BTBD9: variants seen among roughly 807,000 people sequenced by gnomAD.
BTBD9 encodes the protein BTB/POZ domain-containing protein 9.
A neutral mutation model predicts 64.3 loss-of-function variants in BTBD9; 49 were observed. That is an observed-to-expected ratio of 0.76 (90% CI 0.61 to 0.97). The LOEUF (loss-of-function observed/expected upper bound fraction) is 0.97, where lower values mean the gene tolerates loss of function less well. BTBD9 is among the 50% of genes least tolerant of loss of function. The pLI is 0.00. For synonymous variants in BTBD9, 260 were observed against 274.7 expected (o/e 0.95, Z 0.53); for missense variants, 598 against 762.1 (o/e 0.78, Z 2.53).
In BTBD9 at chr6:38,433,613, C is replaced by T. The variant is rs143168271; in HGVS notation, c.1155-88520G>A. Among the ~76,000 whole-genome samples the T allele has an allele frequency of 6.8e-4, 104 of 151,962 alleles. 2 individuals carry two copies. The South Asian group carries it at 0.011, about 16-fold the overall frequency. On this transcript the variant is annotated intron_variant, in intron 6 of 10. Coordinates refer to ENST00000481247, the MANE Select transcript of BTBD9 (RefSeq NM_001099272.2). ...ACCCAAATCCTATAAAACAGCCCCA[C>T]CCCTATCTCCCTTTGCTGACTCCTT...
At chr6:38,565,598 T>C (rs1421701778) in intron 6 of BTBD9, among the ~76,000 whole-genome samples, 1 of 152,174 alleles carries the variant, frequency 6.6e-6, no homozygotes, top group Non-Finnish European at 1.5e-5. Context: ...ATGAAAAATC[T>C]GCATAAAACA....
At chr6:38,573,771 C>T (rs1775894252) in intron 6 of BTBD9, among the ~76,000 whole-genome samples, 4 of 152,210 alleles carry the variant, frequency 2.6e-5, no homozygotes, top group South Asian at 2.1e-4. Flanking sequence ...ATTAACAGCA[C>T]CATGTTGAGG....
rs114243267 is a variant in BTBD9 at position 38,175,925 on chromosome 6, A to G, written c.1642-743T>C. Among the ~76,000 whole-genome samples, 1,262 of 152,364 alleles carry G rather than the reference A, an allele frequency of 8.3e-3. 8 individuals are homozygous for G. The highest frequency in any genetic ancestry group is 0.031 in the Middle Eastern group (9 of 294). On this transcript the variant is annotated intron_variant, in intron 10 of 10. Coordinates refer to ENST00000481247, the MANE Select transcript of BTBD9 (RefSeq NM_001099272.2). ...CAAACGCCCCCAATGTGTAGAAGCCAGCCACCTGGCCGACAGTCACCCTCT... is the reference window on the plus strand; with the variant it reads ...CAAACGCCCCCAATGTGTAGAAGCCGGCCACCTGGCCGACAGTCACCCTCT...
intron 7 of BTBD9, among the ~76,000 whole-genome samples, chr6:38,334,322 G>A (rs35471343): frequency 6.6e-6 from 1 of 152,206 alleles, no homozygotes; most frequent in Non-Finnish European, 1.5e-5. Flanking sequence ...GGCACTTTGG[G>A]AGGCCAAGGT....
Position 38,634,577 on chromosome 6 carries a change from A to T in BTBD9, c.-28+5223T>A, listed in dbSNP as rs565885614. Among the ~76,000 whole-genome samples, 872 of 142,310 alleles carry T rather than the reference A, an allele frequency of 6.1e-3. 3 individuals are homozygous for T. The highest frequency in any genetic ancestry group is 0.018 in the African/African-American group (684 of 38,382). 93.4% of individuals were successfully genotyped at this position (142,310 alleles called of 152,430 possible). A position where few individuals can be genotyped will look rare whatever the true frequency, so the allele number is the denominator to read the frequency against. On this transcript the variant is annotated intron_variant, in intron 1 of 10. Coordinates refer to ENST00000481247, the MANE Select transcript of BTBD9 (RefSeq NM_001099272.2). ...GCAAACTGGATTGTTCCTTTTTTTT[A>T]AAAAAAAAGGGGGGGGAGAGGGCAT...
At chr6:38,320,945 T>C (rs1427757383) in intron 7 of BTBD9, among the ~76,000 whole-genome samples, 3 of 152,248 alleles carry the variant, frequency 2.0e-5, no homozygotes, top group Admixed American at 6.5e-5. Flanking sequence ...TAGTGTAATA[T>C]GCAGCTGGCA....
At chr6:38,624,875 G>A (rs1778118548) in intron 1 of BTBD9, among the ~76,000 whole-genome samples, 1 of 152,084 alleles carries the variant, frequency 6.6e-6, no homozygotes, top group South Asian at 2.1e-4. Flanking sequence ...CTCCAATTTA[G>A]GAGAATAGTT....
At chr6:38,346,725 A>T (rs1247864842) in intron 6 of BTBD9, among the ~76,000 whole-genome samples, 1 of 152,126 alleles carries the variant, frequency 6.6e-6, no homozygotes, top group Non-Finnish European at 1.5e-5. Context: ...TGCTTTCTGG[A>T]AGGGAAGGGG....
intron 9 of BTBD9, among the ~76,000 whole-genome samples, chr6:38,242,225 C>T (rs1271067576): frequency 6.6e-6 from 1 of 152,170 alleles, no homozygotes; most frequent in Non-Finnish European, 1.5e-5. Context: ...TCGTCCCAGG[C>T]ACAACATGAG....
intron 10 of BTBD9, among the ~76,000 whole-genome samples, chr6:38,188,155 T>A (rs1761899218): frequency 6.6e-6 from 1 of 152,128 alleles, no homozygotes; most frequent in Non-Finnish European, 1.5e-5. Context: ...CTGTCCGCCT[T>A]CTCCTATTCC....
intron 6 of BTBD9, among the ~76,000 whole-genome samples, chr6:38,413,331 G>A (rs536982153): frequency 1.3e-5 from 2 of 152,318 alleles, no homozygotes; most frequent in South Asian, 4.1e-4. Context: ...GGCAGCGGGG[G>A]CTGTGGATCT....
At position 38,283,511 on chromosome 6, in the gene BTBD9, T is replaced by C. The variant is rs536837725; in HGVS notation, c.1454+4761A>G. On this transcript the variant is annotated intron_variant, in intron 8 of 10. Coordinates refer to ENST00000481247, the MANE Select transcript of BTBD9 (RefSeq NM_001099272.2). ...AAAAATTTTATAAACTAGTCAGGTG[T>C]GGTGGTGCATGCCTGTGGTCCCAGC... Among the ~76,000 whole-genome samples the C allele has an allele frequency of 3.9e-4, 59 of 152,172 alleles. 1 individual carries two copies. The highest frequency in any genetic ancestry group is 1.4e-3 in the African/African-American group (57 of 41,534).
chr6:38,405,720 T>C (rs1767132696), intron 6 of BTBD9, among the ~76,000 whole-genome samples: 1 of 152,194 alleles, frequency 6.6e-6, no homozygotes. Flanking sequence ...TATAACTTTT[T>C]AATACTAAAT....
intron 6 of BTBD9, among the ~76,000 whole-genome samples, chr6:38,559,503 C>T (rs1274230187): frequency 6.6e-6 from 1 of 152,108 alleles, no homozygotes; most frequent in African/African-American, 2.4e-5. Flanking sequence ...CCATACTGCC[C>T]AATGCAATCT....
chr6:38,194,006 G>A, intron 9 of BTBD9: 1 of 659,462 alleles, frequency 1.5e-6, no homozygotes, highest in Non-Finnish European at 1.9e-6. Context: ...CCATAAAAAT[G>A]CTCTTATTCA....
chr6:38,631,784 C>T (rs955939627), intron 1 of BTBD9, among the ~76,000 whole-genome samples: 5 of 152,188 alleles, frequency 3.3e-5, no homozygotes, highest in Non-Finnish European at 7.3e-5. Context: ...CAGAACTACC[C>T]AGCTACGCTG....
intron 7 of BTBD9, among the ~76,000 whole-genome samples, chr6:38,309,690 T>C (rs892286466): frequency 5.3e-5 from 8 of 151,916 alleles, no homozygotes; most frequent in Non-Finnish European, 1.0e-4. Context: ...GGATTACAGG[T>C]GTGAACCACT....
At chr6:38,234,934 A>C (rs771259011) in intron 9 of BTBD9, among the ~76,000 whole-genome samples, 8 of 152,250 alleles carry the variant, frequency 5.3e-5, no homozygotes, top group Non-Finnish European at 1.0e-4. Context: ...ATAATTTTAC[A>C]TTAAACAGAA....
chr6:38,363,672 T>C (rs1341802902), intron 6 of BTBD9, among the ~76,000 whole-genome samples: 1 of 151,778 alleles, frequency 6.6e-6, no homozygotes, highest in Non-Finnish European at 1.5e-5. Context: ...TTGGGAAAAA[T>C]AGAAAGGGAA....
Sources: allele counts gnomAD v4.1 joint callset (sites outside exome capture counted in the v4.1 genomes callset), GRCh38; gene constraint gnomAD v4.1.1; transcripts MANE v1.5; gene names NCBI Gene and HGNC (gene_info 2026-07-23, HGNC 2026-07-21).